Variants in KCTD16 observed in about 807,000 individuals in gnomAD.
The protein encoded by KCTD16 is potassium channel tetramerization domain containing 16, also known as BTB/POZ domain-containing protein KCTD16.
KCTD16 carries 13 observed loss-of-function variants against 33.2 expected under a neutral mutation model. The observed-to-expected ratio is 0.39, with a 90% CI of 0.25 to 0.62. KCTD16 has a LOEUF of 0.62. Ranked by LOEUF, KCTD16 falls within the 20% of genes least tolerant of loss-of-function variation. The pLI, the probability that KCTD16 is intolerant of heterozygous loss-of-function variation, is 0.50. For missense variants in KCTD16, 441 were observed against 525.1 expected (o/e 0.84, Z 1.57); for synonymous variants, 197 against 195.3 (o/e 1.01, Z -0.07).
At chr5:144,325,717 C>G (rs1035502121) in intron 3 of KCTD16, among the ~76,000 whole-genome samples, 5 of 152,098 alleles carry the variant, frequency 3.3e-5, no homozygotes, top group Admixed American at 2.0e-4. Flanking sequence ...ACCTTGACCA[C>G]GAGCTTCTGG....
At chr5:144,347,048 G>A (rs1752821884) in intron 3 of KCTD16, among the ~76,000 whole-genome samples, 1 of 152,024 alleles carries the variant, frequency 6.6e-6, no homozygotes, top group South Asian at 2.1e-4. Context: ...TGATACATAG[G>A]GGTCTAGTGT....
chr5:144,242,004 T>C (rs990265439), intron 3 of KCTD16, among the ~76,000 whole-genome samples: 17 of 152,192 alleles, frequency 1.1e-4, no homozygotes, highest in Non-Finnish European at 1.8e-4. Context: ...TGTACCCTAC[T>C]TTACTCACTT....
intron 3 of KCTD16, among the ~76,000 whole-genome samples, chr5:144,460,486 AGCTGGAGT>A (rs1251996032): frequency 6.6e-6 from 1 of 152,044 alleles, no homozygotes; most frequent in East Asian, 1.9e-4. Context: ...CTGTCACCCA[AGCTGGAGT>A]GCAGTGGCAA....
At chr5:144,294,122 A>G (rs1034428495) in intron 3 of KCTD16, among the ~76,000 whole-genome samples, 8 of 152,070 alleles carry the variant, frequency 5.3e-5, no homozygotes, top group Non-Finnish European at 1.0e-4. Flanking sequence ...TTGCCCCACT[A>G]CACTCCAGCC....
At chr5:144,179,167 A>G (rs1429676295) in intron 2 of KCTD16, among the ~76,000 whole-genome samples, 6 of 152,148 alleles carry the variant, frequency 3.9e-5, no homozygotes, top group Admixed American at 1.3e-4. Flanking sequence ...GACATTTCTG[A>G]CCCTCACAGG....
intron 3 of KCTD16, among the ~76,000 whole-genome samples, chr5:144,224,451 T>G (rs2126806952): frequency 6.7e-6 from 1 of 148,896 alleles, no homozygotes; most frequent in East Asian, 2.0e-4. Context: ...GTTAAAATGG[T>G]GCTTTCTATT....
intron 3 of KCTD16, among the ~76,000 whole-genome samples, chr5:144,316,711 C>T (rs1270384207): frequency 6.6e-6 from 1 of 151,530 alleles, no homozygotes; most frequent in African/African-American, 2.4e-5. Flanking sequence ...AGGGGTTTCG[C>T]TGTGTTAGTC....
chr5:144,300,968 C>T (rs1329471321), intron 3 of KCTD16, among the ~76,000 whole-genome samples: 2 of 152,052 alleles, frequency 1.3e-5, no homozygotes, highest in African/African-American at 4.8e-5. Context: ...ACGGGCACGG[C>T]ACAGTGGCTT....
In KCTD16 at chr5:144,479,237, G is replaced by A. The variant is rs1580995834; in HGVS notation, c.*5123G>A. ...AGCTATATTTAACCAATCAAATCCT[G>A]CGCCATTGAACTGCTAAATTTGTCC... is the stretch of plus-strand genomic sequence containing the variant. On this transcript the variant is annotated 3_prime_UTR_variant, in exon 4 of 4. Coordinates refer to ENST00000512467, the MANE Select transcript of KCTD16 (RefSeq NM_020768.4). 4 of 151,736 alleles carry A rather than the reference G, an allele frequency of 2.6e-5. No individual in the cohort carries two copies. The highest frequency in any genetic ancestry group is 2.6e-4 in the Admixed American group (4 of 15,198). The allele number at this position is 151,736 out of a possible 1,614,324, so 9.4% of individuals were successfully genotyped here.
At chr5:144,368,514 A>G (rs568024071) in intron 3 of KCTD16, among the ~76,000 whole-genome samples, 12 of 152,318 alleles carry the variant, frequency 7.9e-5, no homozygotes, top group African/African-American at 2.9e-4. Flanking sequence ...ACCAGTAGCC[A>G]CAAGAAGTAG....
At chr5:144,361,293 T>A (rs1751707170) in intron 3 of KCTD16, among the ~76,000 whole-genome samples, 1 of 152,084 alleles carries the variant, frequency 6.6e-6, no homozygotes, top group African/African-American at 2.4e-5. Context: ...AGTAATGGGA[T>A]TGCTGGGTCA....
chr5:144,337,917 A>G lies in KCTD16; in HGVS notation c.832+130371A>G, dbSNP rs138244869. On this transcript the variant is annotated intron_variant, in intron 3 of 3. Transcript: ENST00000512467. ...GACATATGAAATGGGGAAAATGATA[A>G]TATCCACCCTTTAGGATTGTTGTGA... 3.2e-3 allele frequency among the ~76,000 whole-genome samples: 481 copies of G among 152,326 alleles called. 1 individual carries two copies. The highest frequency in any genetic ancestry group is 5.7e-3 in the Non-Finnish European group (386 of 68,028).
At chr5:144,370,064 A>G (rs192375387) in intron 3 of KCTD16, among the ~76,000 whole-genome samples, 1 of 152,264 alleles carries the variant, frequency 6.6e-6, no homozygotes, top group Admixed American at 6.5e-5. Context: ...GGGAGAGAAT[A>G]TGAAGGCAGT....
Position 144,299,366 on chromosome 5 carries a change from C to T in KCTD16, c.832+91820C>T, listed in dbSNP as rs572561906. 8.6e-5 allele frequency among the ~76,000 whole-genome samples: 13 copies of T among 151,276 alleles called. No homozygotes were observed. The South Asian group carries it at 1.0e-3, about 12-fold the overall frequency. On this transcript the variant is annotated intron_variant, in intron 3 of 3. Transcript: ENST00000512467. Reference sequence around the variant, plus strand: ...ATTTCTCTATCAGAATAACAACTTACGACATAGACAAAAATAGTTTGACAA... The same window carrying T: ...ATTTCTCTATCAGAATAACAACTTATGACATAGACAAAAATAGTTTGACAA...
chr5:144,265,136 C>G (rs1409063836), intron 3 of KCTD16, among the ~76,000 whole-genome samples: 1 of 152,122 alleles, frequency 6.6e-6, no homozygotes, highest in African/African-American at 2.4e-5. Flanking sequence ...ATCAATCCAA[C>G]AGTTGTAAGG....
chr5:144,289,420 A>G (rs2126860940), intron 3 of KCTD16, among the ~76,000 whole-genome samples: 1 of 152,300 alleles, frequency 6.6e-6, no homozygotes, highest in South Asian at 2.1e-4. Context: ...GTCTGTAAAG[A>G]TTGCTTATCA....
At chr5:144,324,430 A>G (rs1034087547) in intron 3 of KCTD16, among the ~76,000 whole-genome samples, 4 of 152,140 alleles carry the variant, frequency 2.6e-5, no homozygotes, top group Non-Finnish European at 5.9e-5. Flanking sequence ...GAACCAACAG[A>G]TGCTGGTGAG....
intron 3 of KCTD16, among the ~76,000 whole-genome samples, chr5:144,296,859 G>T (rs1389586975): frequency 6.6e-6 from 1 of 152,154 alleles, no homozygotes; most frequent in Non-Finnish European, 1.5e-5. Context: ...AATTCTAGAT[G>T]AATTGTTCTT....
chr5:144,306,364 C>G (rs1449226131), intron 3 of KCTD16, among the ~76,000 whole-genome samples: 2 of 152,202 alleles, frequency 1.3e-5, no homozygotes, highest in South Asian at 2.1e-4. Flanking sequence ...CCAGAACAGT[C>G]TCTACTGTGA....
Sources: gnomAD v4.1 joint callset for allele counts (sites outside exome capture counted in the v4.1 genomes callset) on GRCh38, gnomAD v4.1.1 for gene constraint, MANE v1.5 for transcripts, NCBI Gene and HGNC (gene_info 2026-07-23, HGNC 2026-07-21) for gene names.